The following CLASP1 variants were observed in gnomAD, a reference collection of about 807,000 sequenced individuals.
CLASP1 encodes the protein cytoplasmic linker associated protein 1.
A neutral mutation model predicts 192.3 loss-of-function variants in CLASP1; 38 were observed. The observed-to-expected ratio is 0.20, with a 90% confidence interval of 0.15 to 0.26. The LOEUF (loss-of-function observed/expected upper bound fraction) is 0.26, where lower values mean the gene tolerates loss of function less well. Among genes scored for constraint, CLASP1 ranks in the 10% least tolerant of loss-of-function variants. The probability of loss-of-function intolerance (pLI) is 1.00; values close to 1 mark genes in which losing one functional copy is unlikely to be tolerated. For synonymous variants in CLASP1, 691 were observed against 712.8 expected, an observed-to-expected ratio of 0.97 and a Z score of 0.49; for missense variants, 1,433 against 1,932.5, an observed-to-expected ratio of 0.74 and a Z score of 4.85.
At chr2:121,384,165 T>TACACACAC (rs113468785) in intron 32 of CLASP1, among the ~76,000 whole-genome samples, 1 of 142,134 alleles carries the variant, frequency 7.0e-6, no homozygotes, top group East Asian at 2.0e-4. Flanking sequence ...CACATATATA[T>TACACACAC]ATATACACAC....
chr2:121,483,646 G>C (rs530182540), intron 8 of CLASP1, among the ~76,000 whole-genome samples: 2 of 151,696 alleles, frequency 1.3e-5, no homozygotes, highest in East Asian at 3.9e-4. Flanking sequence ...TAATATGTCT[G>C]TTTTTTTGGT....
chr2:121,459,227 T>C (rs767822770), intron 12 of CLASP1, among the ~76,000 whole-genome samples: 15 of 152,016 alleles, frequency 9.9e-5, no homozygotes, highest in Admixed American at 2.6e-4. Context: ...AGGATCTCAC[T>C]ACCTTGCCCA....
rs572891564 is a variant in CLASP1, at chr2:121,406,782, G to A, written c.2669+689C>T. Among the ~76,000 whole-genome samples, 324 of 151,984 alleles carry A rather than the reference G, an allele frequency of 2.1e-3. 1 individual carries two copies. Among genetic ancestry groups the A allele is most frequent in the African/African-American group, 7.4e-3 (305 of 41,452 alleles). ...TGTTTTAACTTTTTTGTAGAGATGG[G>A]GTCTCCCTTTGTTGCCCAGGCTGGT... On this transcript the variant is annotated intron_variant, in intron 25 of 39. Coordinates refer to ENST00000263710, the Ensembl canonical transcript of CLASP1.
At chr2:121,436,080 G>A (rs1300158579) in intron 19 of CLASP1, among the ~76,000 whole-genome samples, 1 of 150,816 alleles carries the variant, frequency 6.6e-6, no homozygotes, top group East Asian at 1.9e-4. Flanking sequence ...CACCCAGGTT[G>A]GAGTACAGTG....
chr2:121,558,302 C>A (rs1170420479), intron 2 of CLASP1, among the ~76,000 whole-genome samples: 1 of 152,166 alleles, frequency 6.6e-6, no homozygotes, highest in African/African-American at 2.4e-5. Context: ...AAAGCAGCAT[C>A]ACCCAGATTG....
intron 2 of CLASP1, among the ~76,000 whole-genome samples, chr2:121,536,057 T>G (rs1171089908): frequency 2.0e-5 from 3 of 151,316 alleles, no homozygotes; most frequent in Non-Finnish European, 1.5e-5. Context: ...AATGGTAGAG[T>G]TGTTGTGGAA....
chr2:121,535,424 T>C (rs2095037823), intron 2 of CLASP1, among the ~76,000 whole-genome samples: 1 of 152,152 alleles, frequency 6.6e-6, no homozygotes, highest in South Asian at 2.1e-4. Flanking sequence ...AATTAAATAC[T>C]CAATGCATGG....
intron 19 of CLASP1, among the ~76,000 whole-genome samples, chr2:121,438,756 A>C (rs1382551861): frequency 6.6e-6 from 1 of 151,554 alleles, no homozygotes; most frequent in Non-Finnish European, 1.5e-5. Context: ...GGATTTTTGC[A>C]TCAATGTTCA....
In CLASP1 at chr2:121,348,716, C is replaced by A. The variant is rs377740893; in HGVS notation, c.4209G>T (p.Val1403=). Residue 1403 remains valine, a splice_region_variant and synonymous_variant, in exon 38 of 40, where the codon GTG becomes GTT. Coordinates refer to ENST00000263710, the Ensembl canonical transcript of CLASP1. ...ACGCAGCCTCCTCAGCCGCTCTCAC[C>A]ACCTGAAACACCCAGTTCCCCCAAA... is the stretch of plus-strand genomic sequence containing the variant. The A allele has an allele frequency of 1.9e-4, 307 of 1,595,970 alleles. 2 individuals are homozygous for A. In the South Asian group the frequency reaches 3.0e-3, roughly 15 times the overall value.
intron 2 of CLASP1, among the ~76,000 whole-genome samples, chr2:121,574,817 A>G (rs1423054096): frequency 6.6e-6 from 1 of 151,562 alleles, no homozygotes; most frequent in Non-Finnish European, 1.5e-5. Flanking sequence ...TGTGCCTATA[A>G]TCCAAGCTAC....
chr2:121,516,172 A>G (rs1227669129), intron 6 of CLASP1, among the ~76,000 whole-genome samples: 1 of 152,258 alleles, frequency 6.6e-6, no homozygotes, highest in Non-Finnish European at 1.5e-5. Context: ...AATGAGCAAC[A>G]AAAATGGGTA....
At chr2:121,557,543 C>A (rs943680186) in intron 2 of CLASP1, among the ~76,000 whole-genome samples, 1 of 151,764 alleles carries the variant, frequency 6.6e-6, no homozygotes, top group Admixed American at 6.6e-5. Flanking sequence ...AAGATCGCAC[C>A]ACTGCACTCC....
At chr2:121,490,770 G>A (rs2093260527) in intron 8 of CLASP1, among the ~76,000 whole-genome samples, 1 of 152,190 alleles carries the variant, frequency 6.6e-6, no homozygotes, top group African/African-American at 2.4e-5. Flanking sequence ...TGCCAGCCTT[G>A]TAACAAACAC....
intron 2 of CLASP1, among the ~76,000 whole-genome samples, chr2:121,544,527 T>C (rs1417046113): frequency 6.6e-6 from 1 of 151,808 alleles, no homozygotes; most frequent in Non-Finnish European, 1.5e-5. Context: ...ACATACTCTC[T>C]AAATTCATGC....
At chr2:121,399,871 A>G (rs2075886460) in intron 28 of CLASP1, among the ~76,000 whole-genome samples, 1 of 152,234 alleles carries the variant, frequency 6.6e-6, no homozygotes, top group Non-Finnish European at 1.5e-5. Flanking sequence ...TCTGGCTCAC[A>G]TGTGTTTTAT....
chr2:121,649,123 G>A (rs1038957830), intron 1 of CLASP1, among the ~76,000 whole-genome samples: 24 of 152,270 alleles, frequency 1.6e-4, no homozygotes, highest in African/African-American at 5.8e-4. Flanking sequence ...ACTGACCCCA[G>A]GGCCGATCCC....
At chr2:121,567,988 T>G (rs990834910) in intron 2 of CLASP1, among the ~76,000 whole-genome samples, 1 of 152,236 alleles carries the variant, frequency 6.6e-6, no homozygotes, top group Non-Finnish European at 1.5e-5. Flanking sequence ...AAGATTTTCA[T>G]GCTTTTACAT....
chr2:121,407,272 G>A lies in CLASP1; in HGVS notation c.2669+199C>T, dbSNP rs138777302. Among the ~76,000 whole-genome samples, 328 of 152,080 alleles carry A rather than the reference G, an allele frequency of 2.2e-3. 1 individual carries two copies. Among genetic ancestry groups the A allele is most frequent in the African/African-American group, 7.4e-3 (309 of 41,492 alleles). On this transcript the variant is annotated intron_variant, in intron 25 of 39. Coordinates refer to ENST00000263710, the Ensembl canonical transcript of CLASP1. Reference sequence around the variant, plus strand: ...ATTTGCCAGATATTTCAAAGCAAATGGATGGCAAAGCAAATGGATGGCAAG... The same window carrying A: ...ATTTGCCAGATATTTCAAAGCAAATAGATGGCAAAGCAAATGGATGGCAAG...
exon 40 of CLASP1, chr2:121,337,781 T>G (rs1294915520): frequency 6.6e-6 from 1 of 152,316 alleles, no homozygotes; most frequent in Non-Finnish European, 1.5e-5. Context: ...GAACATTGAA[T>G]TAAGTCTCAT....
Sources: allele counts gnomAD v4.1 joint callset (sites outside exome capture counted in the v4.1 genomes callset), GRCh38; gene constraint gnomAD v4.1.1; transcripts MANE v1.5; gene names NCBI Gene and HGNC (gene_info 2026-07-23, HGNC 2026-07-21).